Variants in AMBRA1 observed in about 807,000 individuals in gnomAD.
The protein encoded by AMBRA1 is activating molecule in BECN1-regulated autophagy protein 1.
Under a neutral mutation model 125.4 loss-of-function variants are expected in AMBRA1, and 47 were observed. The ratio of observed to expected loss-of-function variants is 0.37; its 90% CI spans 0.30 to 0.48. The LOEUF (loss-of-function observed/expected upper bound fraction) is 0.48. Ranked by LOEUF, AMBRA1 falls within the 20% of genes least tolerant of loss-of-function variation. The pLI, the probability that AMBRA1 is intolerant of heterozygous loss-of-function variation, is 0.99. For synonymous variants in AMBRA1, 626 were observed against 655.5 expected (o/e 0.95, Z 0.69); for missense variants, 1,331 against 1,693.4 (o/e 0.79, Z 3.76).
rs1946627975 is a variant in AMBRA1, at chr11:46,418,069, A to AG, written c.2977-18dup. On this transcript the variant is annotated splice_polypyrimidine_tract_variant and intron_variant, in intron 14 of 17. Coordinates refer to ENST00000683756, the MANE Select transcript of AMBRA1 (RefSeq NM_001387011.1). ...GAAAACTCTCTAGGTAGAGGAAAAGAGGGAAAAAAAGAGAATGGGAGGAGA... is the reference window on the plus strand; with the variant it reads ...GAAAACTCTCTAGGTAGAGGAAAAGAGGGGAAAAAAAGAGAATGGGAGGAGA... 1 of 1,533,918 alleles carries AG rather than the reference A, an allele frequency of 6.5e-7. No homozygotes were observed. Among genetic ancestry groups the AG allele is most frequent in the East Asian group, 2.4e-5 (1 of 42,542 alleles).
chr11:46,541,054 T>C (rs1330749608), intron 7 of AMBRA1, among the ~76,000 whole-genome samples: 1 of 152,254 alleles, frequency 6.6e-6, no homozygotes, highest in South Asian at 2.1e-4. Context: ...GAGGATGTAA[T>C]GCAGCGCAAT....
chr11:46,455,454 G>A (rs1948810110), intron 11 of AMBRA1, among the ~76,000 whole-genome samples: 1 of 152,184 alleles, frequency 6.6e-6, no homozygotes, highest in South Asian at 2.1e-4. Context: ...TGAAAGAGGA[G>A]ATGCATAACT....
chr11:46,457,443 T>G (rs747564847), intron 11 of AMBRA1, among the ~76,000 whole-genome samples: 2 of 152,190 alleles, frequency 1.3e-5, no homozygotes, highest in Non-Finnish European at 2.9e-5. Context: ...TTGACAATCT[T>G]GAGGGTGTTC....
At chr11:46,398,367 G>A (rs1433067559) in intron 17 of AMBRA1, among the ~76,000 whole-genome samples, 11 of 152,226 alleles carry the variant, frequency 7.2e-5, no homozygotes, top group Admixed American at 6.5e-4. Context: ...AAGAGAGTAG[G>A]TACCCTATGG....
intron 11 of AMBRA1, among the ~76,000 whole-genome samples, chr11:46,457,174 G>A (rs1329226391): frequency 6.6e-6 from 1 of 152,226 alleles, no homozygotes; most frequent in Non-Finnish European, 1.5e-5. Context: ...TCCCAGCGAA[G>A]AAAGGTGAAG....
At chr11:46,576,325 C>T (rs988913201) in intron 1 of AMBRA1, among the ~76,000 whole-genome samples, 4 of 152,046 alleles carry the variant, frequency 2.6e-5, no homozygotes, top group African/African-American at 7.2e-5. Context: ...ACGGGGTCTC[C>T]GTATGTTGCC....
rs544079372 is a variant in AMBRA1, at chr11:46,427,502, T to A, written c.2976+5972A>T. ...GATGGAATCGCCCTACAGCCCATGG[T>A]TCGTTCTTAACTTAGCGCGCAGAGT... On this transcript the variant is annotated intron_variant, in intron 14 of 17. Coordinates refer to ENST00000683756, the MANE Select transcript of AMBRA1 (RefSeq NM_001387011.1). 7.2e-5 allele frequency among the ~76,000 whole-genome samples: 11 copies of A among 152,336 alleles called. No individual in the cohort carries two copies. In the South Asian group the frequency reaches 2.3e-3, roughly 32 times the overall value.
chr11:46,451,915 AAC>A (rs1284699052), intron 11 of AMBRA1: 2 of 150,814 alleles, frequency 1.3e-5, no homozygotes, highest in Admixed American at 6.6e-5. Context: ...CAACTTTTCA[AAC>A]AGATTGACAG....
chr11:46,449,245 G>A (rs1948459160), intron 11 of AMBRA1, among the ~76,000 whole-genome samples: 1 of 152,150 alleles, frequency 6.6e-6, no homozygotes, highest in Admixed American at 6.5e-5. Context: ...TATACAGATT[G>A]GAAGAAATCT....
chr11:46,527,477 C>CAAAAAAAAAAAAAAAAA lies in AMBRA1; in HGVS notation c.2072+14451_2072+14467dup, dbSNP rs59904013. 2.7e-3 allele frequency among the ~76,000 whole-genome samples: 71 copies of CAAAAAAAAAAAAAAAAA among 25,936 alleles called. 12 individuals are homozygous for CAAAAAAAAAAAAAAAAA. Among genetic ancestry groups the CAAAAAAAAAAAAAAAAA allele is most frequent in the Non-Finnish European group, 3.3e-3 (55 of 16,760 alleles). 17.0% of individuals were successfully genotyped at this position (25,936 alleles called of 152,430 possible). Reference sequence around the variant, plus strand: ...CCTAGGTGACAAAGTGAGACTGTCTCAAAAAAAAAAAAAAAAAAAAAAAAA... The same window carrying CAAAAAAAAAAAAAAAAA: ...CCTAGGTGACAAAGTGAGACTGTCTCAAAAAAAAAAAAAAAAAAAAAAAAAAAAAAAAAAAAAAAAAA... On this transcript the variant is annotated intron_variant, in intron 7 of 17. Transcript: ENST00000683756.
At chr11:46,578,744 G>A (rs1461046280) in intron 1 of AMBRA1, among the ~76,000 whole-genome samples, 5 of 151,382 alleles carry the variant, frequency 3.3e-5, no homozygotes, top group African/African-American at 1.2e-4. Context: ...AGCCAGGCAT[G>A]GTGGCGGGCG....
intron 14 of AMBRA1, among the ~76,000 whole-genome samples, chr11:46,424,056 C>T (rs1178983674): frequency 6.6e-6 from 1 of 152,202 alleles, no homozygotes; most frequent in Non-Finnish European, 1.5e-5. Context: ...AGCCACCGTG[C>T]CCAGCCAGTG....
intron 15 of AMBRA1, among the ~76,000 whole-genome samples, chr11:46,410,944 T>C (rs544338461): frequency 6.6e-6 from 1 of 151,572 alleles, no homozygotes; most frequent in Non-Finnish European, 1.5e-5. Context: ...CTACTAAAAA[T>C]ACAAAAATTA....
chr11:46,525,298 T>C (rs1951920353), intron 7 of AMBRA1, among the ~76,000 whole-genome samples: 1 of 150,358 alleles, frequency 6.7e-6, no homozygotes, highest in Non-Finnish European at 1.5e-5. Flanking sequence ...GAAACCCTGT[T>C]TCAAAAATAA....
intron 1 of AMBRA1, among the ~76,000 whole-genome samples, chr11:46,560,887 C>CTT (rs2043310995): frequency 6.6e-6 from 1 of 152,144 alleles, no homozygotes; most frequent in African/African-American, 2.4e-5. Flanking sequence ...AAACCAGCTG[C>CTT]CTCAAACAGA....
chr11:46,512,717 T>G lies in AMBRA1; in HGVS notation c.2159+10A>C. On this transcript the variant is annotated intron_variant, in intron 8 of 17. Transcript: ENST00000683756. ...CCCCCACCTAGTGCCATTTCTCACT[T>G]TGGCCTTACCTCGCTGGGTCTGGGT... 6.2e-7 allele frequency: 1 copy of G among 1,612,342 alleles called. No individual in the cohort carries two copies. The highest frequency in any genetic ancestry group is 1.1e-5 in the South Asian group (1 of 90,766).
At position 46,534,259 on chromosome 11, in the gene AMBRA1, G is replaced by A. The variant is rs541939284; in HGVS notation, c.2072+7686C>T. On this transcript the variant is annotated intron_variant, in intron 7 of 17. Coordinates refer to ENST00000683756, the MANE Select transcript of AMBRA1 (RefSeq NM_001387011.1). ...TATAATCCCAGAACTTTGGGAGGCC[G>A]AGGCGGGCGGAGCACCAGAGGTCAG... is the stretch of plus-strand genomic sequence containing the variant. 2.0e-5 allele frequency among the ~76,000 whole-genome samples: 3 copies of A among 151,522 alleles called. No homozygotes were observed. In the South Asian group the frequency reaches 6.3e-4, roughly 32 times the overall value.
Position 46,521,863 on chromosome 11 carries a change from T to C in AMBRA1, c.2073-9050A>G, listed in dbSNP as rs534484943. On this transcript the variant is annotated intron_variant, in intron 7 of 17. Coordinates refer to ENST00000683756, the MANE Select transcript of AMBRA1 (RefSeq NM_001387011.1). Reference sequence around the variant, plus strand: ...AATGCTAGTAACCTCAGGAAAAAAATAGACATACTACAAAAAGACACCACA... The same window carrying C: ...AATGCTAGTAACCTCAGGAAAAAAACAGACATACTACAAAAAGACACCACA... Among the ~76,000 whole-genome samples the C allele has an allele frequency of 6.5e-4, 99 of 152,236 alleles. 1 individual carries two copies. The highest frequency in any genetic ancestry group is 3.4e-3 in the Middle Eastern group (1 of 294).
intron 1 of AMBRA1, among the ~76,000 whole-genome samples, chr11:46,579,041 G>GAAAAA (rs2044074643): frequency 2.1e-5 from 1 of 47,664 alleles, no homozygotes; most frequent in Non-Finnish European, 4.1e-5. Context: ...CCACAAGAAA[G>GAAAAA]CAATAAAAAA....
Sources: allele counts gnomAD v4.1 joint callset (sites outside exome capture counted in the v4.1 genomes callset), GRCh38; gene constraint gnomAD v4.1.1; transcripts MANE v1.5; gene names NCBI Gene and HGNC (gene_info 2026-07-23, HGNC 2026-07-21).